Variants in DSCAML1 observed in about 807,000 individuals in gnomAD.
DSCAML1 encodes the protein cell adhesion molecule DSCAML1.
A neutral mutation model predicts 200.5 loss-of-function variants in DSCAML1; 38 were observed. The ratio of observed to expected loss-of-function variants is 0.19; its 90% confidence interval spans 0.15 to 0.25. The LOEUF (loss-of-function observed/expected upper bound fraction) is 0.25. Among genes scored for constraint, DSCAML1 ranks in the 10% least tolerant of loss-of-function variants. DSCAML1 has a pLI of 1.00. For missense variants in DSCAML1, 2,223 were observed against 2,858.8 expected, an observed-to-expected ratio of 0.78 and a Z score of 5.07; for synonymous variants, 1,215 against 1,165.0, an observed-to-expected ratio of 1.04 and a Z score of -0.87.
chr11:117,785,562 G>A (rs2055337012), intron 1 of DSCAML1, among the ~76,000 whole-genome samples: 1 of 152,152 alleles, frequency 6.6e-6, no homozygotes. Flanking sequence ...GGGGGTCGAA[G>A]GCAGTGGGGG....
chr11:117,477,505 CA>C (rs538725797), intron 14 of DSCAML1, among the ~76,000 whole-genome samples: 26 of 145,312 alleles, frequency 1.8e-4, no homozygotes, highest in South Asian at 8.8e-4. Context: ...CATGATTCTG[CA>C]AAAAAAAAAT....
At chr11:117,482,198 C>T (rs1483022638) in intron 11 of DSCAML1, 36 bp from the exon 12 acceptor site, 23 of 1,610,972 alleles carry the variant, frequency 1.4e-5, no homozygotes, top group Non-Finnish European at 1.6e-5. Flanking sequence ...CAGTGAAGGT[C>T]GGGAGACCAG....
At chr11:117,492,720 C>T (rs1045573946) in intron 11 of DSCAML1, among the ~76,000 whole-genome samples, 2 of 152,122 alleles carry the variant, frequency 1.3e-5, no homozygotes, top group African/African-American at 2.4e-5. Flanking sequence ...GCCGGGTGGT[C>T]GGCGGGGCGG....
Position 117,505,791 on chromosome 11 carries a change from C to G in DSCAML1, c.1784-59G>C, listed in dbSNP as rs553690583. On this transcript the variant is annotated intron_variant, in intron 8 of 32. Transcript: ENST00000651296. This position sits in a 1 kb window ranked among gnomAD's most constrained non-coding sequence, Gnocchi z 6.7. The stretch of plus-strand genomic sequence containing the variant: ...CTGTGCATTCTCACCTGGCCGCCAA[C>G]GCCGCCTCACCTGCCTTACCTGGGG... 3 of 1,547,802 alleles carry G rather than the reference C, an allele frequency of 1.9e-6. No individual in the cohort carries two copies. Among genetic ancestry groups the G allele is most frequent in the African/African-American group, 2.7e-5 (2 of 73,880 alleles).
chr11:117,794,800 C>T (rs905705870), intron 1 of DSCAML1, among the ~76,000 whole-genome samples: 2 of 151,956 alleles, frequency 1.3e-5, no homozygotes, highest in East Asian at 3.9e-4. Flanking sequence ...AGGGACCAGC[C>T]TGGCACCTAA....
Position 117,505,278 on chromosome 11 carries a change from C to T in DSCAML1, c.2062+176G>A, listed in dbSNP as rs2049471656. On this transcript the variant is annotated intron_variant, in intron 9 of 32. Coordinates refer to ENST00000651296, the MANE Select transcript of DSCAML1 (RefSeq NM_020693.4). This position sits in a 1 kb window ranked among gnomAD's most constrained non-coding sequence, Gnocchi z 6.7. ...GACTAACTGAGCAAGTGTCTCTCTG[C>T]TCAGGGCTTCGGTTTCCTGCCCTGG... Among the ~76,000 whole-genome samples, 1 of 152,186 alleles carries T rather than the reference C, an allele frequency of 6.6e-6. No homozygotes were observed. Among genetic ancestry groups the T allele is most frequent in the African/African-American group, 2.4e-5 (1 of 41,446 alleles).
intron 3 of DSCAML1, among the ~76,000 whole-genome samples, chr11:117,705,117 G>T (rs1028603383): frequency 1.3e-5 from 2 of 152,294 alleles, no homozygotes; most frequent in African/African-American, 4.8e-5. Context: ...AATAGTGTGT[G>T]CATTTGCCTT....
chr11:117,634,107 G>A (rs985919027), intron 3 of DSCAML1, among the ~76,000 whole-genome samples: 2 of 152,204 alleles, frequency 1.3e-5, no homozygotes, highest in Non-Finnish European at 2.9e-5. Flanking sequence ...CAAGTATCCA[G>A]AGGCTCCCGA....
rs1407496283 is a variant in DSCAML1, at chr11:117,442,504, C to T, written c.3862+1382G>A. ...GTGCGTGTGCACATGTATGAGTGTG[C>T]AGTGTGTGTGTGCGTGTGTGTGTAT... is the stretch of plus-strand genomic sequence containing the variant. On this transcript the variant is annotated intron_variant, in intron 21 of 32. Coordinates refer to ENST00000651296, the MANE Select transcript of DSCAML1 (RefSeq NM_020693.4). Among the ~76,000 whole-genome samples, 6 of 149,862 alleles carry T rather than the reference C, an allele frequency of 4.0e-5. No individual in the cohort carries two copies. In the South Asian group the frequency reaches 1.3e-3, roughly 32 times the overall value.
intron 3 of DSCAML1, among the ~76,000 whole-genome samples, chr11:117,578,594 C>T (rs1171319696): frequency 6.6e-6 from 1 of 152,120 alleles, no homozygotes; most frequent in Non-Finnish European, 1.5e-5. Flanking sequence ...AGCCTGAGTC[C>T]AGGAGTTCAA....
chr11:117,496,081 C>T (rs2049283913), intron 11 of DSCAML1, among the ~76,000 whole-genome samples: 1 of 152,186 alleles, frequency 6.6e-6, no homozygotes, highest in Non-Finnish European at 1.5e-5. Context: ...CCAATCAAGC[C>T]CATCCCTCCG....
intron 11 of DSCAML1, among the ~76,000 whole-genome samples, chr11:117,483,601 A>G (rs940378851): frequency 2.0e-5 from 3 of 152,174 alleles, no homozygotes; most frequent in African/African-American, 7.2e-5. Context: ...GGTGAGTCCT[A>G]TGCTGGGAGA....
intron 3 of DSCAML1, among the ~76,000 whole-genome samples, chr11:117,699,517 T>G (rs1591414828): frequency 6.6e-6 from 1 of 151,376 alleles, no homozygotes; most frequent in East Asian, 1.9e-4. Context: ...CACAGGAGAG[T>G]GCTGCACAGA....
chr11:117,802,693 C>T (rs936047104), intron 1 of DSCAML1, among the ~76,000 whole-genome samples: 18 of 152,140 alleles, frequency 1.2e-4, no homozygotes, highest in Admixed American at 7.2e-4. Context: ...CTCAGCAGTT[C>T]CTGCTGAGCC....
chr11:117,575,359 G>T (rs1180979898), intron 3 of DSCAML1, among the ~76,000 whole-genome samples: 1 of 152,202 alleles, frequency 6.6e-6, no homozygotes, highest in Non-Finnish European at 1.5e-5. Context: ...GTAGGGAGTT[G>T]CTTAGAAGAG....
chr11:117,610,842 C>G (rs867769632), intron 3 of DSCAML1, among the ~76,000 whole-genome samples: 431 of 34,568 alleles, frequency 0.012, 10 homozygotes, highest in African/African-American at 0.037. Flanking sequence ...CCAAAACAAC[C>G]CCCCCCCCCC....
chr11:117,555,967 A>C, intron 3 of DSCAML1, among the ~76,000 whole-genome samples: 1 of 151,454 alleles, frequency 6.6e-6, no homozygotes, highest in African/African-American at 2.4e-5. Context: ...AGGAGGGGGA[A>C]GAGAAGGTGG....
chr11:117,596,022 A>G lies in DSCAML1; in HGVS notation c.512-63500T>C, dbSNP rs200848129. Among the ~76,000 whole-genome samples the G allele has an allele frequency of 2.6e-5, 4 of 152,230 alleles. No homozygotes were observed. In the East Asian group the frequency reaches 7.7e-4, roughly 29 times the overall value. ...TGATGAATGACCACATTCAGCATCA[A>G]TAACTGCAAACATTCCTGGGAAAGA... is the stretch of plus-strand genomic sequence containing the variant. On this transcript the variant is annotated intron_variant, in intron 3 of 32. Coordinates refer to ENST00000651296, the MANE Select transcript of DSCAML1 (RefSeq NM_020693.4).
At chr11:117,766,769 C>T (rs969360003) in intron 3 of DSCAML1, among the ~76,000 whole-genome samples, 11 of 152,154 alleles carry the variant, frequency 7.2e-5, no homozygotes, top group African/African-American at 2.4e-4. Context: ...ATGCACACGC[C>T]GCCAGAGGCA....
Sources: gnomAD v4.1 joint callset for allele counts (sites outside exome capture counted in the v4.1 genomes callset) on GRCh38, gnomAD v4.1.1 for gene constraint, Gnocchi (gnomAD v3.1) non-coding constraint, MANE v1.5 for transcripts, NCBI Gene and HGNC (gene_info 2026-07-23, HGNC 2026-07-21) for gene names.